Variants in CARS2 observed in about 807,000 individuals in gnomAD.
CARS2 encodes the protein cysteinyl-tRNA synthetase 2, mitochondrial.
CARS2 carries 52 observed loss-of-function variants against 68.8 expected under a neutral mutation model. The ratio of observed to expected loss-of-function variants is 0.76; its 90% CI spans 0.61 to 0.95. The LOEUF (loss-of-function observed/expected upper bound fraction) is 0.95. CARS2 is among the 40% of genes least tolerant of loss of function. The pLI is 0.00. For missense variants in CARS2, 780 were observed against 754.2 expected (o/e 1.03, Z -0.40); for synonymous variants, 314 against 303.6 (o/e 1.03, Z -0.36).
At chr13:110,706,197 T>TG (rs2063955190), upstream of CARS2, 2 of 832,318 alleles carry the variant, frequency 2.4e-6, no homozygotes, top group Admixed American at 4.7e-5. Context: ...CCCACGCCCT[T>TG]GGGGCCACGC....
intron 13 of CARS2, chr13:110,643,720 C>A: frequency 6.1e-6 from 1 of 162,618 alleles, no homozygotes; most frequent in Non-Finnish European, 1.4e-5. Flanking sequence ...CCTCTGTCAG[C>A]CACATACAAA....
Position 110,667,353 on chromosome 13 carries a change from A to T in CARS2, c.906T>A (p.Tyr302Ter). ...GTTATTACTTACCAGAATGCAGAAAATAATTTCCCCACTGCTCGCACTGAT... is the reference window on the plus strand; with the variant it reads ...GTTATTACTTACCAGAATGCAGAAATTAATTTCCCCACTGCTCGCACTGAT... ...VFHQCEQWGN[Y>*]FLHSGHLHAK... Residue 302 changes from tyrosine to a stop codon, truncating the protein, a stop_gained, in exon 8 of 15, where the codon TAT (tyrosine) becomes TAA (stop). Coordinates refer to ENST00000257347, the MANE Select transcript of CARS2 (RefSeq NM_024537.4). LOFTEE classifies it high-confidence loss of function. The T allele has an allele frequency of 6.2e-7, 1 of 1,611,926 alleles. No homozygotes were observed. The highest frequency in any genetic ancestry group is 8.5e-7 in the Non-Finnish European group (1 of 1,179,232).
intron 7 of CARS2, among the ~76,000 whole-genome samples, chr13:110,673,452 A>G (rs933968499): frequency 5.9e-5 from 9 of 152,310 alleles, no homozygotes; most frequent in African/African-American, 2.2e-4. Flanking sequence ...ACAGAACCAA[A>G]GACAAAAACC....
intron 8 of CARS2, chr13:110,666,738 C>A (rs2062658600): frequency 5.1e-6 from 5 of 985,408 alleles, no homozygotes; most frequent in Non-Finnish European, 6.0e-6. Flanking sequence ...CTATCACTAC[C>A]AAACACTCTT....
chr13:110,712,123 A>C (rs2064033835), intron 1 of CARS2: 1 of 152,302 alleles, frequency 6.6e-6, no homozygotes, highest in African/African-American at 2.4e-5. Flanking sequence ...TGTCCTAATT[A>C]AGAGGCTAAG....
chr13:110,710,824 C>T (rs532569669), upstream of CARS2, among the ~76,000 whole-genome samples: 1 of 152,276 alleles, frequency 6.6e-6, no homozygotes, highest in Admixed American at 6.5e-5. Flanking sequence ...ATGGTAGACA[C>T]TCGTCAATAT....
At position 110,670,972 on chromosome 13, in the gene CARS2, A is replaced by T. The variant is rs1056192808; in HGVS notation, c.786-3499T>A. The stretch of plus-strand genomic sequence containing the variant: ...TGGAAGAAAGGGTATCAGTGATTGA[A>T]GATCAAATGAATGAAATGAAGCAGG... On this transcript the variant is annotated intron_variant, in intron 7 of 14. Transcript: ENST00000257347. This position sits in a 1 kb window ranked among gnomAD's most constrained non-coding sequence, Gnocchi z 4.1. Among the ~76,000 whole-genome samples, 2 of 152,220 alleles carry T rather than the reference A, an allele frequency of 1.3e-5. No individual in the cohort carries two copies. Among genetic ancestry groups the T allele is most frequent in the African/African-American group, 2.4e-5 (1 of 41,450 alleles).
At chr13:110,703,322 G>C (rs569569394) in intron 2 of CARS2, among the ~76,000 whole-genome samples, 12 of 152,166 alleles carry the variant, frequency 7.9e-5, no homozygotes, top group Non-Finnish European at 1.8e-4. Flanking sequence ...ACCACTGAAG[G>C]AGTACAATGC....
At chr13:110,675,743 C>T (rs937775470) in intron 7 of CARS2, among the ~76,000 whole-genome samples, 8 of 152,102 alleles carry the variant, frequency 5.3e-5, no homozygotes, top group East Asian at 1.9e-4. Flanking sequence ...AGGAAACATA[C>T]GCGTGGTTAT....
Position 110,705,447 on chromosome 13 carries a change from A to C in CARS2, c.275+74T>G, listed in dbSNP as rs1323607667. 1 of 1,073,970 alleles carries C rather than the reference A, an allele frequency of 9.3e-7. No individual in the cohort carries two copies. Among genetic ancestry groups the C allele is most frequent in the Non-Finnish European group, 1.4e-6 (1 of 730,236 alleles). 66.5% of individuals were successfully genotyped at this position (1,073,970 alleles called of 1,614,324 possible). On this transcript the variant is annotated intron_variant, in intron 2 of 14. Transcript: ENST00000257347. The surrounding 1 kb of genome is among the most constrained non-coding windows in gnomAD (Gnocchi z 4.0). ...ATCCCTAAGTTGCCACTTAAGAGAT[A>C]AAAGAAATCAGCAAAAGGCTTTCAA...
In CARS2 at chr13:110,647,096, C is replaced by A. The variant is rs1210663538; in HGVS notation, c.1193+5G>T. ...GCCACGCCGGGTGCTAGGCGGGCCT[C>A]TTACCTCTCCCACAGCATCGCTTCC... On this transcript the variant is annotated splice_donor_5th_base_variant and intron_variant, in intron 11 of 14. Transcript: ENST00000257347. The A allele has an allele frequency of 6.3e-7, 1 of 1,574,994 alleles. No homozygotes were observed. Among genetic ancestry groups the A allele is most frequent in the African/African-American group, 1.3e-5 (1 of 74,290 alleles).
intron 7 of CARS2, among the ~76,000 whole-genome samples, chr13:110,674,616 C>T (rs77754683): frequency 0.057 from 8,642 of 152,168 alleles, 340 homozygotes; most frequent in Middle Eastern, 0.16. Context: ...TAGAAGAAAA[C>T]GCAGGCAATA....
Position 110,706,099 on chromosome 13 carries a change from C to A in CARS2, c.-6G>T. 1 of 1,309,560 alleles carries A rather than the reference C, an allele frequency of 7.6e-7. No individual in the cohort carries two copies. The highest frequency in any genetic ancestry group is 2.2e-5 in the South Asian group (1 of 46,094). The allele number at this position is 1,309,560 out of a possible 1,614,324, so 81.1% of individuals were successfully genotyped here. A position where few individuals can be genotyped will look rare whatever the true frequency, so the allele number is the denominator to read the frequency against. On this transcript the variant is annotated 5_prime_UTR_variant, in exon 1 of 15. Coordinates refer to ENST00000257347, the MANE Select transcript of CARS2 (RefSeq NM_024537.4). The stretch of plus-strand genomic sequence containing the variant: ...CCGCGCGTAGTCCTCAACATGTCAG[C>A]GGCCAGCGCCTACGACTGGGCGGAG...
intron 7 of CARS2, among the ~76,000 whole-genome samples, chr13:110,674,952 G>GA (rs1834977562): frequency 6.6e-6 from 1 of 152,094 alleles, no homozygotes; most frequent in African/African-American, 2.4e-5. Context: ...ACAGACACAT[G>GA]AAAAAATGCT....
chr13:110,667,551 TC>T, intron 7 of CARS2, 78 bp from the exon 8 acceptor site: 1 of 1,319,476 alleles, frequency 7.6e-7, no homozygotes, highest in Non-Finnish European at 1.0e-6. Context: ...ATTTATTCCT[TC>T]CAGCCTTTTT....
chr13:110,659,932 G>A (rs2062460415), intron 9 of CARS2, among the ~76,000 whole-genome samples: 1 of 152,174 alleles, frequency 6.6e-6, no homozygotes, highest in South Asian at 2.1e-4. Flanking sequence ...AGATTTCTCT[G>A]TAGCATCCAA....
At chr13:110,703,024 C>G (rs2063834989) in intron 2 of CARS2, among the ~76,000 whole-genome samples, 1 of 152,168 alleles carries the variant, frequency 6.6e-6, no homozygotes, top group African/African-American at 2.4e-5. Flanking sequence ...CTGGGCCAGA[C>G]CACGCAGCAC....
intron 8 of CARS2, chr13:110,666,293 C>A: frequency 4.1e-6 from 4 of 985,388 alleles, no homozygotes; most frequent in Non-Finnish European, 2.4e-6. Context: ...CCACCGACAC[C>A]GGAATAAAGT....
chr13:110,664,782 C>A, intron 8 of CARS2: 1 of 394,262 alleles, frequency 2.5e-6, no homozygotes, highest in Non-Finnish European at 3.5e-6. Flanking sequence ...GTCACAGGGG[C>A]AGAGCCAGTG....
Sources: gnomAD v4.1 joint callset for allele counts (sites outside exome capture counted in the v4.1 genomes callset) on GRCh38, gnomAD v4.1.1 for gene constraint, Gnocchi (gnomAD v3.1) non-coding constraint, MANE v1.5 for transcripts, NCBI Gene and HGNC (gene_info 2026-07-23, HGNC 2026-07-21) for gene names.